The following LRP1B variants were observed in gnomAD, a reference collection of about 807,000 sequenced individuals.
The protein encoded by LRP1B is LDL receptor related protein 1B.
Under a neutral mutation model 556.6 loss-of-function variants are expected in LRP1B, and 217 were observed. The observed-to-expected ratio is 0.39, with a 90% CI of 0.35 to 0.44. The LOEUF (loss-of-function observed/expected upper bound fraction) is 0.44. Ranked by LOEUF, LRP1B falls within the 20% of genes least tolerant of loss-of-function variation. The pLI is 1.00. For missense variants in LRP1B, 5,053 were observed against 5,620.8 expected, an observed-to-expected ratio of 0.90 and a Z score of 3.23; for synonymous variants, 2,047 against 1,865.8, an observed-to-expected ratio of 1.10 and a Z score of -2.50.
chr2:141,635,973 G>A (rs1000937868), intron 2 of LRP1B, among the ~76,000 whole-genome samples: 6 of 152,092 alleles, frequency 3.9e-5, no homozygotes, highest in African/African-American at 9.7e-5. Context: ...CTGGCCTTGA[G>A]CCTTGAGACT....
chr2:142,014,452 T>C (rs1250900305), intron 1 of LRP1B, among the ~76,000 whole-genome samples: 1 of 152,184 alleles, frequency 6.6e-6, no homozygotes, highest in East Asian at 1.9e-4. Flanking sequence ...ATACAAGCTT[T>C]AGAGTCAATT....
intron 3 of LRP1B, among the ~76,000 whole-genome samples, chr2:141,468,679 C>A (rs1004040921): frequency 6.6e-6 from 1 of 150,958 alleles, no homozygotes; most frequent in Non-Finnish European, 1.5e-5. Flanking sequence ...AATTCAAGTT[C>A]TTAGAGCTAC....
chr2:141,399,064 T>G (rs1381644008), intron 3 of LRP1B, among the ~76,000 whole-genome samples: 1 of 152,158 alleles, frequency 6.6e-6, no homozygotes, highest in Non-Finnish European at 1.5e-5. Flanking sequence ...GAGACCAGTC[T>G]GTCCAACATG....
At chr2:141,084,195 C>A (rs1699991853) in intron 7 of LRP1B, among the ~76,000 whole-genome samples, 1 of 152,088 alleles carries the variant, frequency 6.6e-6, no homozygotes, top group Non-Finnish European at 1.5e-5. Flanking sequence ...TAGATCTGTT[C>A]ATGGATACCT....
At chr2:141,912,583 G>A (rs889360815) in intron 1 of LRP1B, among the ~76,000 whole-genome samples, 2 of 152,206 alleles carry the variant, frequency 1.3e-5, no homozygotes, top group Non-Finnish European at 2.9e-5. Flanking sequence ...GGACAATGGA[G>A]AGTCGTTATT....
At chr2:140,402,676 G>C (rs1684558984) in intron 66 of LRP1B, among the ~76,000 whole-genome samples, 1 of 152,134 alleles carries the variant, frequency 6.6e-6, no homozygotes, top group Admixed American at 6.5e-5. Context: ...CCTTCCACCT[G>C]ATAAGACCTC....
chr2:141,159,576 C>T (rs10176254), intron 7 of LRP1B, among the ~76,000 whole-genome samples: 88,003 of 151,758 alleles, frequency 0.58, 26,359 homozygotes, highest in Middle Eastern at 0.72. Context: ...GAGGGTAATT[C>T]TTAAAAAGCA....
At chr2:141,021,172 C>T (rs1698054355) in intron 11 of LRP1B, among the ~76,000 whole-genome samples, 1 of 152,026 alleles carries the variant, frequency 6.6e-6, no homozygotes, top group Non-Finnish European at 1.5e-5. Context: ...GCTCTGTATT[C>T]ACACACTACA....
chr2:142,117,599 TTGTG>T (rs760008003), intron 1 of LRP1B, among the ~76,000 whole-genome samples: 5 of 151,122 alleles, frequency 3.3e-5, no homozygotes, highest in Admixed American at 6.6e-5. Context: ...GGATTTTTAT[TTGTG>T]TGTGTGTGTG....
At chr2:141,162,235 G>T (rs1211202829) in intron 7 of LRP1B, among the ~76,000 whole-genome samples, 3 of 152,024 alleles carry the variant, frequency 2.0e-5, no homozygotes, top group African/African-American at 7.2e-5. Flanking sequence ...TCAGACAAAA[G>T]GTCTGGATGT....
At position 140,256,449 on chromosome 2, in the gene LRP1B, C is replaced by CTTTTTTTTT. The variant is rs764826231; in HGVS notation, c.13248-9296_13248-9288dup. 2.4e-4 allele frequency among the ~76,000 whole-genome samples: 6 copies of CTTTTTTTTT among 25,290 alleles called. 1 individual carries two copies. Among genetic ancestry groups the CTTTTTTTTT allele is most frequent in the Admixed American group, 7.3e-4 (1 of 1,372 alleles). 16.6% of individuals were successfully genotyped at this position (25,290 alleles called of 152,430 possible). ...GGTTTTCTTTTCTCTTTTTTCCTTC[C>CTTTTTTTTT]TTTTTTTTTTTTTTTTTTTTTTTTT... On this transcript the variant is annotated intron_variant, in intron 86 of 90. Transcript: ENST00000389484.
At chr2:141,907,579 G>A (rs140846494) in intron 1 of LRP1B, among the ~76,000 whole-genome samples, 6 of 151,912 alleles carry the variant, frequency 3.9e-5, no homozygotes, top group African/African-American at 1.4e-4. Flanking sequence ...TTTGGAATTG[G>A]CACGACCTTT....
chr2:141,907,911 C>T lies in LRP1B; in HGVS notation c.83-97510G>A, dbSNP rs1182355254. Among the ~76,000 whole-genome samples, 3 of 151,940 alleles carry T rather than the reference C, an allele frequency of 2.0e-5. No homozygotes were observed. The South Asian group carries it at 6.2e-4, about 31-fold the overall frequency. ...CCAGGTAGGCACTAGATTTTCCTGACCCCTATTTAAAACTCACTACTTCTC... is the reference window on the plus strand; with the variant it reads ...CCAGGTAGGCACTAGATTTTCCTGATCCCTATTTAAAACTCACTACTTCTC... On this transcript the variant is annotated intron_variant, in intron 1 of 90. Transcript: ENST00000389484.
intron 43 of LRP1B, among the ~76,000 whole-genome samples, chr2:140,576,982 G>A (rs1225645666): frequency 1.3e-5 from 2 of 151,478 alleles, no homozygotes; most frequent in African/African-American, 2.4e-5. Flanking sequence ...TTTTTTCAAT[G>A]TAAGAGTTTT....
intron 2 of LRP1B, among the ~76,000 whole-genome samples, chr2:141,631,254 T>G (rs1688896602): frequency 6.6e-6 from 1 of 152,130 alleles, no homozygotes. Context: ...TGAGGGTAAC[T>G]GCCCCTATGC....
chr2:140,493,695 T>A (rs926280655), intron 56 of LRP1B, among the ~76,000 whole-genome samples: 10 of 152,218 alleles, frequency 6.6e-5, no homozygotes, highest in Admixed American at 6.5e-4. Context: ...GTGGATTTTT[T>A]ATAAATTATT....
chr2:142,109,973 A>C (rs1706907247), intron 1 of LRP1B, among the ~76,000 whole-genome samples: 2 of 152,148 alleles, frequency 1.3e-5, no homozygotes. Flanking sequence ...GGTTGTTTTC[A>C]AAAGCTGTAT....
Position 140,743,984 on chromosome 2 carries a change from AAAAAAAAGT to A in LRP1B, c.5758+25220_5758+25228del, listed in dbSNP as rs1474858308. Among the ~76,000 whole-genome samples, 8 of 29,564 alleles carry A rather than the reference AAAAAAAAGT, an allele frequency of 2.7e-4. 2 individuals carry two copies. The highest frequency in any genetic ancestry group is 5.4e-4 in the African/African-American group (7 of 12,870). The allele number at this position is 29,564 out of a possible 152,430, so 19.4% of individuals were successfully genotyped here. Reference sequence around the variant, plus strand: ...TGGTCTCAAAAAAAAAAAAAAAAAAAAAAAAAAGTAAAAAGTAAAATCCATAGACATAGA... The same window carrying A: ...TGGTCTCAAAAAAAAAAAAAAAAAAAAAAAAGTAAAATCCATAGACATAGA... On this transcript the variant is annotated intron_variant, in intron 35 of 90. Transcript: ENST00000389484.
rs2105223502 is a variant in LRP1B, at chr2:140,903,128, G to A, written c.3558C>T (p.His1186=). Reference sequence around the variant, plus strand: ...TTCCTCTTCCAGGAACAACAGAACAGTGGTTGCTACAGCCTCCATTGTTCA... The same window carrying A: ...TTCCTCTTCCAGGAACAACAGAACAATGGTTGCTACAGCCTCCATTGTTCA... ...CSLNNGGCSN[H]CSVVPGRGIV... The change falls in exon 23 of 91, where the codon CAC becomes CAT. Residue 1186 remains histidine (H), a synonymous_variant. Coordinates refer to ENST00000389484, the MANE Select transcript of LRP1B (RefSeq NM_018557.3). 1.2e-6 allele frequency: 2 copies of A among 1,613,470 alleles called. No homozygotes were observed. The highest frequency in any genetic ancestry group is 1.7e-6 in the Non-Finnish European group (2 of 1,179,636).
Sources: allele counts gnomAD v4.1 joint callset (sites outside exome capture counted in the v4.1 genomes callset), GRCh38; gene constraint gnomAD v4.1.1; transcripts MANE v1.5; gene names NCBI Gene and HGNC (gene_info 2026-07-23, HGNC 2026-07-21).